The following USF3 variants were observed in gnomAD, a reference collection of about 807,000 sequenced individuals.
USF3 encodes upstream transcription factor family member 3, also known as basic helix-loop-helix domain-containing protein USF3.
Under a neutral mutation model 157.5 loss-of-function variants are expected in USF3, and 29 were observed. The ratio of observed to expected loss-of-function variants is 0.18; its 90% CI spans 0.14 to 0.25. The LOEUF is 0.25. Among genes scored for constraint, USF3 ranks in the 10% least tolerant of loss-of-function variants. USF3 has a pLI of 1.00. For missense variants in USF3, 2,381 were observed against 2,667.6 expected (o/e 0.89, Z 2.37); for synonymous variants, 893 against 941.4 (o/e 0.95, Z 0.94).
intron 1 of USF3, among the ~76,000 whole-genome samples, chr3:113,682,086 G>T (rs1315829147): frequency 6.6e-6 from 1 of 152,176 alleles, no homozygotes; most frequent in Non-Finnish European, 1.5e-5. Flanking sequence ...CACTTTGGGA[G>T]GCAGAAGTGG....
intron 1 of USF3, among the ~76,000 whole-genome samples, chr3:113,693,246 T>C (rs1195795725): frequency 6.6e-6 from 1 of 152,196 alleles, no homozygotes; most frequent in Non-Finnish European, 1.5e-5. Flanking sequence ...TTTCCTATGT[T>C]AGTGGAGTTC....
Position 113,656,330 on chromosome 3 carries a change from T to G in USF3, c.5352A>C (p.Pro1784=). The G allele has an allele frequency of 6.2e-7, 1 of 1,614,110 alleles. No homozygotes were observed. Among genetic ancestry groups the G allele is most frequent in the Non-Finnish European group, 8.5e-7 (1 of 1,180,024 alleles). Reference sequence around the variant, plus strand: ...ATAATCTCTTTTGACGGTCAATTGGTGGGGGGCCAGTGTTTTGACTAATTC... The same window carrying G: ...ATAATCTCTTTTGACGGTCAATTGGGGGGGGGCCAGTGTTTTGACTAATTC... ...AFRISQNTGP[P]PIDRQKRLSY... The change falls in exon 7 of 7, where the codon CCA becomes CCC. Residue 1784 remains proline (P), a synonymous_variant. Coordinates refer to ENST00000316407, the MANE Select transcript of USF3 (RefSeq NM_001009899.4).
Position 113,655,165 on chromosome 3 carries a change from G to C in USF3, c.6517C>G (p.Pro2173Ala). ...GFAQPSFPLL[P>A]DMPPMHMTNS... Reference sequence around the variant, plus strand: ...GTCATGTGCATTGGTGGCATATCTGGGAGAAGAGGAAAACTTGGTTGAGCA... The same window carrying C: ...GTCATGTGCATTGGTGGCATATCTGCGAGAAGAGGAAAACTTGGTTGAGCA... Residue 2173 changes from proline to alanine, a missense_variant, in exon 7 of 7, where the codon CCA (proline) becomes GCA (alanine). By Grantham distance (27) the Pro-to-Ala change is conservative. Transcript: ENST00000316407. The C allele has an allele frequency of 6.2e-7, 1 of 1,614,166 alleles. No homozygotes were observed. Among genetic ancestry groups the C allele is most frequent in the Non-Finnish European group, 8.5e-7 (1 of 1,180,024 alleles).
chr3:113,682,862 T>C (rs1381886455), intron 1 of USF3, among the ~76,000 whole-genome samples: 1 of 151,910 alleles, frequency 6.6e-6, no homozygotes, highest in East Asian at 1.9e-4. Context: ...ATAAGAGAAG[T>C]GTGTTTGTTG....
intron 1 of USF3, among the ~76,000 whole-genome samples, chr3:113,680,053 C>CTTTTTTTTT (rs71131103): frequency 1.2e-4 from 7 of 58,638 alleles, no homozygotes; most frequent in Admixed American, 2.4e-4. Context: ...CTGTAGTTTT[C>CTTTTTTTTT]TTTTTTTTTT....
chr3:113,682,506 CT>C (rs1707457009), intron 1 of USF3, among the ~76,000 whole-genome samples: 9 of 152,122 alleles, frequency 5.9e-5, no homozygotes, highest in Admixed American at 5.9e-4. Flanking sequence ...GCAAATAAGT[CT>C]AATGTTTGTT....
At position 113,660,355 on chromosome 3, in the gene USF3, T is replaced by C; in HGVS notation, c.1327A>G (p.Ile443Val). The part of the protein sequence containing the change: ...WTTLQLAGNT[I>V]QPLSQTPSSA... ...GATGGTGTCTGGCTTAAGGGCTGAATAGTGTTTCCTGCCAGTTGCAAAGTA... is the reference window on the plus strand; with the variant it reads ...GATGGTGTCTGGCTTAAGGGCTGAACAGTGTTTCCTGCCAGTTGCAAAGTA... The change falls in exon 7 of 7, where the codon ATT (isoleucine) becomes GTT (valine). Residue 443 changes from isoleucine (I) to valine (V), a missense_variant. By Grantham distance (29) the Ile-to-Val change is conservative (BLOSUM62 3). Transcript: ENST00000316407. 1.2e-6 allele frequency: 2 copies of C among 1,614,200 alleles called. No homozygotes were observed. The highest frequency in any genetic ancestry group is 1.7e-6 in the Non-Finnish European group (2 of 1,180,028).
At chr3:113,680,261 G>A (rs1007338513) in intron 1 of USF3, among the ~76,000 whole-genome samples, 6 of 151,754 alleles carry the variant, frequency 4.0e-5, no homozygotes, top group African/African-American at 1.5e-4. Context: ...TTTTAATTAT[G>A]ACTTTGATAT....
Position 113,694,573 on chromosome 3 carries a change from A to G in USF3, c.-135+1797T>C, listed in dbSNP as rs377686591. 1.4e-4 allele frequency among the ~76,000 whole-genome samples: 22 copies of G among 152,324 alleles called. No homozygotes were observed. The East Asian group carries it at 1.7e-3, about 12-fold the overall frequency. ...CAGGGAGATCCCAATACCTATGTAC[A>G]CCTAAGTCTTTTAGCTTAGACCAGG... On this transcript the variant is annotated intron_variant, in intron 1 of 6. Coordinates refer to ENST00000316407, the MANE Select transcript of USF3 (RefSeq NM_001009899.4).
intron 3 of USF3, 57 bp downstream of exon 3, chr3:113,674,775 A>T: frequency 7.1e-7 from 1 of 1,412,600 alleles, no homozygotes; most frequent in Non-Finnish European, 1.0e-6. Context: ...CAAAATAGGA[A>T]CTAATTCTGC....
chr3:113,655,258 T>C lies in USF3; in HGVS notation c.6424A>G (p.Lys2142Glu). 6.2e-7 allele frequency: 1 copy of C among 1,614,104 alleles called. No homozygotes were observed. The highest frequency in any genetic ancestry group is 8.5e-7 in the Non-Finnish European group (1 of 1,179,970). Residue 2142 changes from lysine (K) to glutamate (E), a missense_variant, in exon 7 of 7, where the codon AAG (lysine) becomes GAG (glutamate). Around this residue, in one of 6 missense-constraint regions of USF3, gnomAD observed 770 missense variants for 824.2 expected, o/e 0.93. Transcript: ENST00000316407. ...NQMFSNPSTE[K>E]VNSGSLNNRF... ...TTATTTAAACTTCCACTGTTTACCT[T>C]CTCTGTGCTAGGATTTGAGAACATC...
intron 5 of USF3, among the ~76,000 whole-genome samples, chr3:113,667,928 T>G (rs1403823431): frequency 6.6e-6 from 1 of 151,926 alleles, no homozygotes; most frequent in African/African-American, 2.4e-5. Flanking sequence ...AAGTCCATCC[T>G]ATAGGGAAGA....
Position 113,670,222 on chromosome 3 carries a change from G to T in USF3, c.77-19C>A. 6.7e-7 allele frequency: 1 copy of T among 1,487,510 alleles called. No homozygotes were observed. Among genetic ancestry groups the T allele is most frequent in the East Asian group, 2.3e-5 (1 of 44,288 alleles). The allele number at this position is 1,487,510 out of a possible 1,614,324, so 92.1% of individuals were successfully genotyped here. Reference sequence around the variant, plus strand: ...CTCTCCACTAGATGGGAGAAAATTCGTTTATCAAACCTTACACTACTTAGT... The same window carrying T: ...CTCTCCACTAGATGGGAGAAAATTCTTTTATCAAACCTTACACTACTTAGT... On this transcript the variant is annotated intron_variant, in intron 4 of 6. Transcript: ENST00000316407.
At chr3:113,668,594 T>C (rs1707064198) in intron 5 of USF3, among the ~76,000 whole-genome samples, 2 of 151,974 alleles carry the variant, frequency 1.3e-5, no homozygotes, top group South Asian at 4.2e-4. Context: ...TTTTAATGCC[T>C]CATTCCCAAG....
chr3:113,670,766 C>CT (rs911048802), intron 4 of USF3, among the ~76,000 whole-genome samples: 9 of 151,784 alleles, frequency 5.9e-5, no homozygotes, highest in Non-Finnish European at 8.8e-5. Flanking sequence ...TAGCATTTTG[C>CT]TTTTTTTTGA....
At position 113,652,920 on chromosome 3, in the gene USF3, G is replaced by T; in HGVS notation, c.*2024C>A. The T allele has an allele frequency of 1.7e-6, 1 of 579,378 alleles. No individual in the cohort carries two copies. The highest frequency in any genetic ancestry group is 2.8e-6 in the Non-Finnish European group (1 of 358,352). 35.9% of individuals were successfully genotyped at this position (579,378 alleles called of 1,614,324 possible). A position where few individuals can be genotyped will look rare whatever the true frequency, so the allele number is the denominator to read the frequency against. On this transcript the variant is annotated 3_prime_UTR_variant, in exon 7 of 7. Coordinates refer to ENST00000316407, the MANE Select transcript of USF3 (RefSeq NM_001009899.4). ...TGCAGTGAGCCAAGATCCTGCCATT[G>T]TAGACTCCAGCCTGGGTGACAAAGT...
chr3:113,657,661 C>A lies in USF3; in HGVS notation c.4021G>T (p.Ala1341Ser), dbSNP rs779338446. 1.9e-6 allele frequency: 3 copies of A among 1,614,170 alleles called. No homozygotes were observed. The highest frequency in any genetic ancestry group is 2.5e-6 in the Non-Finnish European group (3 of 1,180,038). ...GGCTGACAGTGCTTTTGACGTTTAG[C>A]TGAAGACAGTAAAAGGTCATCTTGG... ...AVQDDLLLSS[A>S]KRQKHCQPAP... The change falls in exon 7 of 7, where the codon GCT becomes TCT. Residue 1341 changes from alanine to serine, a missense_variant. Physicochemically the swap from Ala to Ser is moderately conservative, Grantham distance 99 (BLOSUM62 1). Transcript: ENST00000316407.
Position 113,657,845 on chromosome 3 carries a change from A to G in USF3, c.3837T>C (p.Ser1279=). The change falls in exon 7 of 7, where the codon TCT becomes TCC. Residue 1279 remains serine (S), a synonymous_variant. Transcript: ENST00000316407. ...CAGGAGGTTGACTGCCATAGGAGCT[A>G]GATGAAACGGTCAGATTAACCGTTG... ...VPATVNLTVS[S]SSYGSQPPGP... is the part of the protein sequence containing the mutation. 1 of 1,614,208 alleles carries G rather than the reference A, an allele frequency of 6.2e-7. No individual in the cohort carries two copies. The highest frequency in any genetic ancestry group is 8.5e-7 in the Non-Finnish European group (1 of 1,180,038).
At chr3:113,669,991 G>T in intron 5 of USF3, 130 bp downstream of exon 5, 1 of 616,946 alleles carries the variant, frequency 1.6e-6, no homozygotes, top group Non-Finnish European at 2.9e-6. Context: ...TTAAAACAAG[G>T]CAATTATTAA....
Sources: gnomAD v4.1 joint callset for allele counts (sites outside exome capture counted in the v4.1 genomes callset) on GRCh38, gnomAD v4.1.1 for gene constraint, gnomAD v4.1.1 regional missense constraint, MANE v1.5 for transcripts, NCBI Gene and HGNC (gene_info 2026-07-23, HGNC 2026-07-21) for gene names.